Variants in PEPD observed in about 807,000 individuals in gnomAD.
PEPD encodes xaa-Pro dipeptidase.
PEPD carries 53 observed loss-of-function variants against 60.7 expected under a neutral mutation model. That is an observed-to-expected ratio of 0.87 (90% confidence interval 0.70 to 1.10). The LOEUF is 1.10. Among genes scored for constraint, PEPD ranks in the 50% least tolerant of loss-of-function variants. The pLI, the probability that PEPD is intolerant of heterozygous loss-of-function variation, is 0.00. For synonymous variants in PEPD, 267 were observed against 284.1 expected (o/e 0.94, Z 0.60); for missense variants, 711 against 711.9 (o/e 1.00, Z 0.01).
intron 1 of PEPD, among the ~76,000 whole-genome samples, chr19:33,518,795 C>T (rs1190060623): frequency 6.6e-6 from 1 of 152,186 alleles, no homozygotes; most frequent in African/African-American, 2.4e-5. Flanking sequence ...AGGGAAGCAA[C>T]TCCTAACCCA....
intron 9 of PEPD, among the ~76,000 whole-genome samples, chr19:33,455,265 T>C (rs1160954181): frequency 6.6e-6 from 1 of 152,218 alleles, no homozygotes; most frequent in East Asian, 1.9e-4. Flanking sequence ...GCCAGGTACA[T>C]GGAACTCTCT....
rs151100424 is a variant in PEPD, at chr19:33,447,933, C to T, written c.671+15062G>A. 5.3e-3 allele frequency among the ~76,000 whole-genome samples: 808 copies of T among 152,308 alleles called. 1 individual carries two copies. Among genetic ancestry groups the T allele is most frequent in the Middle Eastern group, 0.014 (4 of 294 alleles). ...GGACGCAAACTCAGCTTCACAGCCCCGGAACACAGAGCCTGCTGTCGGAGT... is the reference window on the plus strand; with the variant it reads ...GGACGCAAACTCAGCTTCACAGCCCTGGAACACAGAGCCTGCTGTCGGAGT... On this transcript the variant is annotated intron_variant, in intron 9 of 14. Coordinates refer to ENST00000244137, the MANE Select transcript of PEPD (RefSeq NM_000285.4).
intron 12 of PEPD, chr19:33,394,988 A>G (rs924443917): frequency 6.6e-6 from 1 of 152,236 alleles, no homozygotes; most frequent in African/African-American, 2.4e-5. Context: ...AAACAGGGCC[A>G]TTCCCGGCCC....
intron 7 of PEPD, among the ~76,000 whole-genome samples, chr19:33,467,701 G>T (rs1408651082): frequency 1.3e-5 from 2 of 152,170 alleles, no homozygotes; most frequent in African/African-American, 4.8e-5. Context: ...TTTGGGGAGG[G>T]GTGGTGTGGA....
chr19:33,495,184 T>G (rs763100538), intron 4 of PEPD, among the ~76,000 whole-genome samples: 1 of 152,068 alleles, frequency 6.6e-6, no homozygotes, highest in South Asian at 2.1e-4. Flanking sequence ...AACGCTGTGA[T>G]GAACATCCTC....
intron 12 of PEPD, among the ~76,000 whole-genome samples, chr19:33,400,618 G>A (rs1968465603): frequency 1.3e-5 from 2 of 152,214 alleles, no homozygotes; most frequent in Non-Finnish European, 2.9e-5. Flanking sequence ...CAGGCCTAGG[G>A]GTTGGCCAGC....
intron 1 of PEPD, among the ~76,000 whole-genome samples, chr19:33,516,618 ACCC>A (rs1050228473): frequency 6.6e-6 from 1 of 151,600 alleles, no homozygotes; most frequent in African/African-American, 2.4e-5. Context: ...GTACTGGGAC[ACCC>A]TCTCCTCAAC....
chr19:33,401,969 G>A (rs544203745), intron 11 of PEPD, 100 bp from the exon 12 acceptor site: 142 of 1,178,508 alleles, frequency 1.2e-4, no homozygotes, highest in African/African-American at 1.0e-3. Flanking sequence ...CAGCTGGCCC[G>A]GGTCCTGGAT....
At chr19:33,513,300 CA>C (rs1181615265) in intron 1 of PEPD, among the ~76,000 whole-genome samples, 1 of 152,142 alleles carries the variant, frequency 6.6e-6, no homozygotes, top group Non-Finnish European at 1.5e-5. Context: ...TCCTTCAGCT[CA>C]AAGGACCATC....
At chr19:33,390,534 G>A (rs1408644985) in intron 13 of PEPD, among the ~76,000 whole-genome samples, 1 of 152,244 alleles carries the variant, frequency 6.6e-6, no homozygotes, top group South Asian at 2.1e-4. Context: ...TGGCTGGGGG[G>A]CCCCAGGGCG....
Position 33,391,333 on chromosome 19 carries a change from GGAAGT to G in PEPD, c.1109_1113del (p.His370ProfsTer4). 1 of 1,612,098 alleles carries G rather than the reference GGAAGT, an allele frequency of 6.2e-7. No homozygotes were observed. Among genetic ancestry groups the G allele is most frequent in the Non-Finnish European group, 8.5e-7 (1 of 1,179,618 alleles). The stretch of plus-strand genomic sequence containing the variant: ...CCCACGTCGTGCACGTCAATGCCCA[GGAAGT>G]GGCCAAGCCCGTGAGGCATAAACAC... On this transcript the variant is annotated frameshift_variant, in exon 13 of 15. Transcript: ENST00000244137. LOFTEE classifies it high-confidence loss of function.
rs1419848861 is a variant in PEPD at position 33,413,644 on chromosome 19, C to T, written c.672-1G>A. On this transcript the variant is annotated splice_acceptor_variant, in intron 9 of 14. Coordinates refer to ENST00000244137, the MANE Select transcript of PEPD (RefSeq NM_000285.4). LOFTEE classifies it high-confidence loss of function. ...GGAGTAGCAGTAGTGCTCGAAGAGG[C>T]TGCAGGGGGAGAGACGCGTCAGGGT... The T allele has an allele frequency of 6.3e-7, 1 of 1,577,490 alleles. No individual in the cohort carries two copies. Among genetic ancestry groups the T allele is most frequent in the East Asian group, 2.3e-5 (1 of 43,412 alleles).
chr19:33,404,105 G>A lies in PEPD; in HGVS notation c.819-2236C>T, dbSNP rs115210456. ...CAGCAATGGGTTCTTAGGTCCTGGC[G>A]GCAGTGCTCAACCTTCACGGCCTCA... On this transcript the variant is annotated intron_variant, in intron 11 of 14. Transcript: ENST00000244137. Among the ~76,000 whole-genome samples, 1,285 of 152,310 alleles carry A rather than the reference G, an allele frequency of 8.4e-3. 19 individuals are homozygous for A. The highest frequency in any genetic ancestry group is 0.029 in the African/African-American group (1,217 of 41,560).
At chr19:33,514,876 C>T (rs559910130) in intron 1 of PEPD, among the ~76,000 whole-genome samples, 9 of 152,196 alleles carry the variant, frequency 5.9e-5, no homozygotes, top group Admixed American at 2.0e-4. Flanking sequence ...GCCTCATGTG[C>T]CTGCCTTCCC....
intron 3 of PEPD, among the ~76,000 whole-genome samples, chr19:33,508,461 G>A (rs1361719038): frequency 1.3e-5 from 2 of 152,240 alleles, no homozygotes; most frequent in African/African-American, 2.4e-5. Context: ...ACTTAGTGGA[G>A]TGCAAAACCA....
At chr19:33,398,535 A>C (rs1968418559) in intron 12 of PEPD, among the ~76,000 whole-genome samples, 1 of 152,210 alleles carries the variant, frequency 6.6e-6, no homozygotes, top group African/African-American at 2.4e-5. Flanking sequence ...AGGGTACAGG[A>C]GCTGGGCTCA....
intron 11 of PEPD, among the ~76,000 whole-genome samples, chr19:33,405,943 C>T (rs978734913): frequency 2.6e-5 from 4 of 152,222 alleles, no homozygotes; most frequent in Admixed American, 6.5e-5. Context: ...GGAGCAGCTG[C>T]GTCCTGTGGG....
chr19:33,389,319 G>A (rs1249039474), intron 13 of PEPD, among the ~76,000 whole-genome samples: 1 of 152,158 alleles, frequency 6.6e-6, no homozygotes, highest in East Asian at 1.9e-4. Context: ...GGGAGCTGAG[G>A]CCGGAGGGCA....
intron 9 of PEPD, among the ~76,000 whole-genome samples, chr19:33,444,701 C>T (rs1264696619): frequency 6.6e-6 from 1 of 151,106 alleles, no homozygotes. Flanking sequence ...CCCCCCAAAG[C>T]CAAGCCCCAG....
Sources: gnomAD v4.1 joint callset for allele counts (sites outside exome capture counted in the v4.1 genomes callset) on GRCh38, gnomAD v4.1.1 for gene constraint, MANE v1.5 for transcripts, NCBI Gene and HGNC (gene_info 2026-07-23, HGNC 2026-07-21) for gene names.